GON4L: variants seen among roughly 807,000 people sequenced by gnomAD.
The protein encoded by GON4L is GON-4-like protein.
In GON4L, 87 loss-of-function variants were observed where a neutral mutation model predicts 211.8. The observed-to-expected ratio is 0.41, with a 90% CI of 0.35 to 0.49. The LOEUF is 0.49. Among genes scored for constraint, GON4L ranks in the 20% least tolerant of loss-of-function variants. The probability of loss-of-function intolerance (pLI) is 0.15; values close to 1 mark genes in which losing one functional copy is unlikely to be tolerated. For missense variants in GON4L, 2,155 were observed against 2,659.5 expected, an observed-to-expected ratio of 0.81 and a Z score of 4.17; for synonymous variants, 875 against 962.6, an observed-to-expected ratio of 0.91 and a Z score of 1.68.
chr1:155,767,351 G>T (rs1320050887), intron 20 of GON4L, 74 bp downstream of exon 20: 35 of 1,613,662 alleles, frequency 2.2e-5, no homozygotes, highest in Non-Finnish European at 2.9e-5. Flanking sequence ...AGACGATTAA[G>T]GAAGCCCTTG....
intron 3 of GON4L, among the ~76,000 whole-genome samples, chr1:155,824,931 C>G (rs139339549): frequency 6.6e-6 from 1 of 151,556 alleles, no homozygotes; most frequent in East Asian, 1.9e-4. Flanking sequence ...AGGGACTGCT[C>G]GAGCCCAGAA....
intron 18 of GON4L, among the ~76,000 whole-genome samples, chr1:155,772,826 G>A (rs1228883863): frequency 6.6e-6 from 1 of 152,030 alleles, no homozygotes; most frequent in Non-Finnish European, 1.5e-5. Flanking sequence ...TTACAGGTGT[G>A]AGCCACCATG....
intron 10 of GON4L, among the ~76,000 whole-genome samples, chr1:155,806,821 G>A (rs1171559761): frequency 6.6e-6 from 1 of 152,108 alleles, no homozygotes; most frequent in Non-Finnish European, 1.5e-5. Context: ...TAATACCGCT[G>A]GCTGAATGCA....
At chr1:155,748,539 G>T (rs1660344237), downstream of GON4L, 2 of 1,613,908 alleles carry the variant, frequency 1.2e-6, no homozygotes. Context: ...AAGGTATGAA[G>T]CTTTGTGAGG....
chr1:155,849,773 CAAAAA>C (rs11330008), intron 2 of GON4L, among the ~76,000 whole-genome samples: 1 of 77,350 alleles, frequency 1.3e-5, no homozygotes, highest in East Asian at 3.4e-4. Flanking sequence ...GACTCCGTCT[CAAAAA>C]AAAAAAAAAA....
chr1:155,833,766 G>A (rs551256620), intron 2 of GON4L, among the ~76,000 whole-genome samples: 2 of 140,258 alleles, frequency 1.4e-5, no homozygotes, highest in African/African-American at 5.3e-5. Context: ...GAGGAAGGGA[G>A]GAGGGGAGGA....
intron 12 of GON4L, among the ~76,000 whole-genome samples, chr1:155,787,232 T>C (rs1571741941): frequency 6.6e-6 from 1 of 152,254 alleles, no homozygotes; most frequent in East Asian, 1.9e-4. Flanking sequence ...ATCAGTTTAT[T>C]AACTGCATGA....
At chr1:155,851,265 A>C (rs1279627710) in intron 2 of GON4L, among the ~76,000 whole-genome samples, 6 of 151,518 alleles carry the variant, frequency 4.0e-5, no homozygotes, top group Non-Finnish European at 8.8e-5. Context: ...GAGGCAGGAG[A>C]ATGGCATGAA....
intron 12 of GON4L, 47 bp downstream of exon 12, chr1:155,795,003 A>G (rs1237748314): frequency 9.6e-7 from 1 of 1,036,612 alleles, no homozygotes. Flanking sequence ...AAACAAAGAC[A>G]GCTGCAAAGC....
chr1:155,778,813 T>C (rs768685442), intron 14 of GON4L, among the ~76,000 whole-genome samples: 40 of 152,002 alleles, frequency 2.6e-4, no homozygotes, highest in Non-Finnish European at 5.9e-4. Context: ...GTGTTGTTTT[T>C]CTGTTCTTAC....
intron 10 of GON4L, 113 bp from the exon 11 acceptor site, chr1:155,805,254 G>A: frequency 4.1e-6 from 3 of 730,770 alleles, no homozygotes; most frequent in South Asian, 3.0e-5. Context: ...TAAACAATTT[G>A]GATTTATTAT....
intron 11 of GON4L, 138 bp from the exon 12 acceptor site, chr1:155,795,289 C>A: frequency 3.0e-6 from 2 of 663,298 alleles, no homozygotes; most frequent in Admixed American, 4.1e-5. Context: ...TGCAGTGGTA[C>A]AGCCTCAGCT....
In GON4L at chr1:155,817,939, A is replaced by G. The variant is rs60665472; in HGVS notation, c.1015-1677T>C. Among the ~76,000 whole-genome samples the G allele has an allele frequency of 1.9e-3, 288 of 151,652 alleles. 1 individual carries two copies. In the East Asian group the frequency reaches 0.032, roughly 17 times the overall value. On this transcript the variant is annotated intron_variant, in intron 6 of 31. Coordinates refer to ENST00000368331, the MANE Select transcript of GON4L (RefSeq NM_001282860.2). The stretch of plus-strand genomic sequence containing the variant: ...CAAGTCACTGAAAAAAAAAAAAAAA[A>G]AAAGAAAGAATTAAGAAGCAAGAGA...
intron 6 of GON4L, among the ~76,000 whole-genome samples, chr1:155,816,954 T>C (rs1042664971): frequency 6.6e-5 from 10 of 152,094 alleles, no homozygotes; most frequent in Non-Finnish European, 1.0e-4. Flanking sequence ...TTTTGAATGT[T>C]TGAAAATTTT....
intron 6 of GON4L, among the ~76,000 whole-genome samples, chr1:155,817,985 C>T (rs1358339774): frequency 6.6e-6 from 1 of 151,646 alleles, no homozygotes; most frequent in African/African-American, 2.4e-5. Context: ...AATACTTGCT[C>T]TCCTACGTAA....
At position 155,757,275 on chromosome 1, in the gene GON4L, C is replaced by T. The variant is rs2101656172; in HGVS notation, c.5302G>A (p.Asp1768Asn). The part of the protein sequence containing the change: ...QLLKGHDHLQ[D>N]EFSIFFDHLR... ...TGGTCAAAGAAGATAGAAAACTCAT[C>T]CTGCAGGTGGTCGTGGCCCTTGAGG... Residue 1768 changes from aspartate (D) to asparagine (N), a missense_variant, in exon 26 of 32, where the codon GAT becomes AAT. This residue lies in a region of GON4L where 455 missense variants were observed against 504.6 expected (regional missense o/e 0.90). Transcript: ENST00000368331. The T allele has an allele frequency of 6.2e-7, 1 of 1,613,936 alleles. No homozygotes were observed. The highest frequency in any genetic ancestry group is 8.5e-7 in the Non-Finnish European group (1 of 1,179,856).
chr1:155,750,344 C>T lies in GON4L; in HGVS notation c.*240G>A. ...AAAAGTAGAGAAAGGAGCTGAACTCCACTCTCGATGCTATTTACAGAGGAC... is the reference window on the plus strand; with the variant it reads ...AAAAGTAGAGAAAGGAGCTGAACTCTACTCTCGATGCTATTTACAGAGGAC... On this transcript the variant is annotated 3_prime_UTR_variant, in exon 32 of 32. Coordinates refer to ENST00000368331, the MANE Select transcript of GON4L (RefSeq NM_001282860.2). The T allele has an allele frequency of 1.6e-6, 1 of 641,892 alleles. No homozygotes were observed. The highest frequency in any genetic ancestry group is 2.7e-6 in the Non-Finnish European group (1 of 365,794). 39.8% of individuals were successfully genotyped at this position (641,892 alleles called of 1,614,324 possible). A position where few individuals can be genotyped will look rare whatever the true frequency, so the allele number is the denominator to read the frequency against.
At chr1:155,745,275 C>T (rs1305339074), downstream of GON4L, among the ~76,000 whole-genome samples, 4 of 152,182 alleles carry the variant, frequency 2.6e-5, no homozygotes, top group Non-Finnish European at 5.9e-5. Flanking sequence ...TAAAGTGTTA[C>T]ATACACAGAG....
Position 155,853,447 on chromosome 1 carries a change from G to A in GON4L, c.334C>T (p.His112Tyr). The A allele has an allele frequency of 6.8e-6, 11 of 1,614,052 alleles. No homozygotes were observed. The highest frequency in any genetic ancestry group is 8.5e-6 in the Non-Finnish European group (10 of 1,179,932). ...TTACCAATGTGTATATTAAGGGGGT[G>A]AAAAGACTCCAAGGAAGGTAGGGTG... ...GITLPSLESF[H>Y]PLNIHIGKGK... The change falls in exon 2 of 32, where the codon CAC (histidine) becomes TAC (tyrosine). Residue 112 changes from histidine to tyrosine, a missense_variant. Around this residue, in one of 6 missense-constraint regions of GON4L, gnomAD observed 313 missense variants for 293.2 expected, o/e 1.07. Transcript: ENST00000368331.
Sources: gnomAD v4.1 joint callset for allele counts (sites outside exome capture counted in the v4.1 genomes callset) on GRCh38, gnomAD v4.1.1 for gene constraint, gnomAD v4.1.1 regional missense constraint, MANE v1.5 for transcripts, NCBI Gene and HGNC (gene_info 2026-07-23, HGNC 2026-07-21) for gene names.